SEL1L: variants seen among roughly 807,000 people sequenced by gnomAD.
SEL1L encodes the protein SEL1L adaptor subunit of SYVN1 ubiquitin ligase, also known as protein sel-1 homolog 1.
A neutral mutation model predicts 109.8 loss-of-function variants in SEL1L; 52 were observed. The observed-to-expected ratio is 0.47, with a 90% CI of 0.38 to 0.60. SEL1L has a LOEUF of 0.60. Among genes scored for constraint, SEL1L ranks in the 20% least tolerant of loss-of-function variants. The pLI is 0.00. For synonymous variants in SEL1L, 373 were observed against 339.6 expected (o/e 1.10, Z -1.08); for missense variants, 749 against 962.2 (o/e 0.78, Z 2.93).
intron 6 of SEL1L, 125 bp downstream of exon 6, chr14:81,502,596 G>T: frequency 1.1e-6 from 1 of 923,912 alleles, no homozygotes; most frequent in Non-Finnish European, 1.6e-6. Flanking sequence ...AAAATGGTCA[G>T]CCACAAAATT....
In SEL1L at chr14:81,526,742, G is replaced by A. The variant is rs530559231; in HGVS notation, c.331C>T (p.Arg111Trp). 14 of 1,611,872 alleles carry A rather than the reference G, an allele frequency of 8.7e-6. No homozygotes were observed. The highest frequency in any genetic ancestry group is 6.7e-5 in the East Asian group (3 of 44,822). ...NKDYEEPKKV[R>W]KPALTAIEGT... ...AAAATGTCCAGACTACCTGGTTTCC[G>A]TACTTTCTTTGGCTCTTCATAGTCC... is the stretch of plus-strand genomic sequence containing the variant. The change falls in exon 3 of 21, where the codon CGG becomes TGG. Residue 111 changes from arginine (R) to tryptophan (W), a missense_variant. Coordinates refer to ENST00000336735, the MANE Select transcript of SEL1L (RefSeq NM_005065.6).
chr14:81,525,148 T>A (rs1885063311), intron 3 of SEL1L, among the ~76,000 whole-genome samples: 1 of 152,164 alleles, frequency 6.6e-6, no homozygotes, highest in South Asian at 2.1e-4. Context: ...AGGGCAAATG[T>A]GTGTAGGGTA....
intron 14 of SEL1L, among the ~76,000 whole-genome samples, chr14:81,488,613 C>T (rs745619604): frequency 1.3e-5 from 2 of 152,150 alleles, no homozygotes; most frequent in Non-Finnish European, 2.9e-5. Flanking sequence ...CATGAGGAGG[C>T]TGCACAGAAG....
chr14:81,501,357 G>C (rs1051392197), intron 6 of SEL1L, among the ~76,000 whole-genome samples: 1 of 152,130 alleles, frequency 6.6e-6, no homozygotes, highest in Non-Finnish European at 1.5e-5. Context: ...GCTTTGTAAG[G>C]TTCTAATATT....
At chr14:81,492,664 A>T in intron 11 of SEL1L, 116 bp from the exon 12 acceptor site, 1 of 657,694 alleles carries the variant, frequency 1.5e-6, no homozygotes, top group African/African-American at 1.8e-5. Context: ...ACAGTGCTTT[A>T]AAAACAAGAA....
At chr14:81,478,533 T>A (rs894699003) in intron 20 of SEL1L, among the ~76,000 whole-genome samples, 1 of 152,156 alleles carries the variant, frequency 6.6e-6, no homozygotes, top group East Asian at 1.9e-4. Context: ...AGGTCTGAAA[T>A]GGTACTGAAA....
chr14:81,531,225 C>T (rs1357852032), intron 1 of SEL1L, among the ~76,000 whole-genome samples: 1 of 152,180 alleles, frequency 6.6e-6, no homozygotes, highest in Non-Finnish European at 1.5e-5. Context: ...TACAGGGCCA[C>T]CATCTTACAT....
In SEL1L at chr14:81,510,514, C is replaced by CTCTCTCTCTCTCTCTA. The variant is rs35474067; in HGVS notation, c.341-4274_341-4273insTAGAGAGAGAGAGAGA. 3.7e-4 allele frequency among the ~76,000 whole-genome samples: 38 copies of CTCTCTCTCTCTCTCTA among 104,072 alleles called. 1 individual carries two copies. The highest frequency in any genetic ancestry group is 6.3e-4 in the Admixed American group (6 of 9,516). 68.3% of individuals were successfully genotyped at this position (104,072 alleles called of 152,430 possible). A position where few individuals can be genotyped will look rare whatever the true frequency, so the allele number is the denominator to read the frequency against. On this transcript the variant is annotated intron_variant, in intron 3 of 20. Transcript: ENST00000336735. Reference sequence around the variant, plus strand: ...TCTCTCTCTCTCTCTCTCTCTCTCTCTATATATATATATATAGACAATTAA... The same window carrying CTCTCTCTCTCTCTCTA: ...TCTCTCTCTCTCTCTCTCTCTCTCTCTCTCTCTCTCTCTCTATATATATATATATATAGACAATTAA...
At position 81,475,237 on chromosome 14, in the gene SEL1L, G is replaced by C. The variant is rs926772230; in HGVS notation, c.*1735C>G. 3 of 152,294 alleles carry C rather than the reference G, an allele frequency of 2.0e-5. No homozygotes were observed. The highest frequency in any genetic ancestry group is 7.2e-5 in the African/African-American group (3 of 41,432). The allele number at this position is 152,294 out of a possible 1,614,324, so 9.4% of individuals were successfully genotyped here. A position where few individuals can be genotyped will look rare whatever the true frequency, so the allele number is the denominator to read the frequency against. ...TGCCTAAAGCAACATTACACTTAGG[G>C]GGGGTAAGTTTCCTACCTTTCACAG... is the stretch of plus-strand genomic sequence containing the variant. On this transcript the variant is annotated 3_prime_UTR_variant, in exon 21 of 21. Coordinates refer to ENST00000336735, the MANE Select transcript of SEL1L (RefSeq NM_005065.6).
At chr14:81,532,394 C>CTCAA (rs1885362965) in intron 1 of SEL1L, among the ~76,000 whole-genome samples, 1 of 152,170 alleles carries the variant, frequency 6.6e-6, no homozygotes, top group South Asian at 2.1e-4. Context: ...ACTCATTAAG[C>CTCAA]TCAACAGCTT....
intron 3 of SEL1L, among the ~76,000 whole-genome samples, chr14:81,513,866 C>G (rs960268753): frequency 6.6e-6 from 1 of 152,138 alleles, no homozygotes; most frequent in Non-Finnish European, 1.5e-5. Flanking sequence ...CATTCAGCTC[C>G]GGGGTCCCGA....
At chr14:81,520,026 G>T (rs1884849809) in intron 3 of SEL1L, among the ~76,000 whole-genome samples, 2 of 152,140 alleles carry the variant, frequency 1.3e-5, no homozygotes, top group South Asian at 4.1e-4. Context: ...GGGGAGTTAT[G>T]GGGTCAAATT....
intron 3 of SEL1L, among the ~76,000 whole-genome samples, chr14:81,525,401 T>G (rs1421690543): frequency 6.8e-6 from 1 of 147,092 alleles, no homozygotes; most frequent in Non-Finnish European, 1.5e-5. Context: ...TGAGACCATG[T>G]CTCTAAAAAT....
rs767719427 is a variant in SEL1L, at chr14:81,526,716, G to A, written c.340+17C>T. On this transcript the variant is annotated intron_variant, in intron 3 of 20. Coordinates refer to ENST00000336735, the MANE Select transcript of SEL1L (RefSeq NM_005065.6). ...TCCCCTAAATAAATCAAAAAGCAAG[G>A]AAAATGTCCAGACTACCTGGTTTCC... 10 of 1,600,034 alleles carry A rather than the reference G, an allele frequency of 6.2e-6. No individual in the cohort carries two copies. In the South Asian group the frequency reaches 8.8e-5, roughly 14 times the overall value.
intron 3 of SEL1L, among the ~76,000 whole-genome samples, chr14:81,509,930 T>C (rs971972178): frequency 6.6e-6 from 1 of 152,194 alleles, no homozygotes; most frequent in Non-Finnish European, 1.5e-5. Flanking sequence ...AAAGATCTAC[T>C]GATAGGAAAC....
In SEL1L at chr14:81,517,347, C is replaced by A. The variant is rs1276329136; in HGVS notation, c.340+9386G>T. ...TCTTCTAGATGGGAAGAGAAAGGAC[C>A]CCCAAATTCCCAAGGATGGGCCAAA... On this transcript the variant is annotated intron_variant, in intron 3 of 20. Transcript: ENST00000336735. 3.9e-5 allele frequency among the ~76,000 whole-genome samples: 6 copies of A among 152,122 alleles called. No individual in the cohort carries two copies. The South Asian group carries it at 8.3e-4, about 21-fold the overall frequency.
At chr14:81,502,019 T>C (rs574124972) in intron 6 of SEL1L, among the ~76,000 whole-genome samples, 1 of 151,388 alleles carries the variant, frequency 6.6e-6, no homozygotes, top group Admixed American at 6.6e-5. Flanking sequence ...CAACCAAATG[T>C]AAGGTAGAGT....
At chr14:81,507,261 G>A (rs1009863451) in intron 3 of SEL1L, among the ~76,000 whole-genome samples, 6 of 152,160 alleles carry the variant, frequency 3.9e-5, no homozygotes, top group African/African-American at 1.4e-4. Context: ...TTAAAAGAGT[G>A]GAAAGTATGT....
rs1236447558 is a variant in SEL1L, at chr14:81,472,411, G to A, written c.*4561C>T. 8.4e-6 allele frequency: 2 copies of A among 238,722 alleles called. No individual in the cohort carries two copies. Among genetic ancestry groups the A allele is most frequent in the Non-Finnish European group, 1.7e-5 (2 of 119,164 alleles). The allele number at this position is 238,722 out of a possible 1,614,324, so 14.8% of individuals were successfully genotyped here. On this transcript the variant is annotated 3_prime_UTR_variant, in exon 21 of 21. Transcript: ENST00000336735. ...AACATTTTACCTCAGTTACCTCTTT[G>A]AGTTGCCTGCTGGGAAGCTGGGGGC... is the stretch of plus-strand genomic sequence containing the variant.
Sources: allele counts gnomAD v4.1 joint callset (sites outside exome capture counted in the v4.1 genomes callset), GRCh38; gene constraint gnomAD v4.1.1; transcripts MANE v1.5; gene names NCBI Gene and HGNC (gene_info 2026-07-23, HGNC 2026-07-21).